Variants in OSBP observed in about 807,000 individuals in gnomAD.
OSBP encodes the protein oxysterol binding protein.
A neutral mutation model predicts 96.6 loss-of-function variants in OSBP; 32 were observed. That is an observed-to-expected ratio of 0.33 (90% confidence interval 0.25 to 0.45). The LOEUF is 0.45. OSBP is among the 20% of genes least tolerant of loss of function. The pLI, the probability that OSBP is intolerant of heterozygous loss-of-function variation, is 1.00. For missense variants in OSBP, 653 were observed against 1,029.7 expected (o/e 0.63, Z 5.01); for synonymous variants, 369 against 389.6 (o/e 0.95, Z 0.62).
At chr11:59,611,508 G>A (rs1860847492) in intron 1 of OSBP, among the ~76,000 whole-genome samples, 1 of 152,180 alleles carries the variant, frequency 6.6e-6, no homozygotes, top group Non-Finnish European at 1.5e-5. Context: ...CATGCTTAGA[G>A]TTATATCGCA....
At chr11:59,582,067 T>C (rs1265725169) in intron 9 of OSBP, among the ~76,000 whole-genome samples, 1 of 152,236 alleles carries the variant, frequency 6.6e-6, no homozygotes, top group Non-Finnish European at 1.5e-5. Flanking sequence ...CTGACTCTAG[T>C]CCTCATTAGA....
intron 9 of OSBP, among the ~76,000 whole-genome samples, chr11:59,585,776 T>C (rs1337938465): frequency 2.0e-5 from 3 of 152,276 alleles, no homozygotes; most frequent in African/African-American, 7.2e-5. Flanking sequence ...GCCGTGTCTG[T>C]GTAGAAAGAA....
At chr11:59,593,059 A>G (rs1860605700) in intron 9 of OSBP, among the ~76,000 whole-genome samples, 1 of 152,110 alleles carries the variant, frequency 6.6e-6, no homozygotes, top group East Asian at 1.9e-4. Flanking sequence ...TGGCCTCCCA[A>G]AGTGCTAGGA....
At chr11:59,585,327 G>A (rs1377288875) in intron 9 of OSBP, among the ~76,000 whole-genome samples, 1 of 125,604 alleles carries the variant, frequency 8.0e-6, no homozygotes, top group Non-Finnish European at 1.7e-5. Context: ...GCCCGGCCGC[G>A]ACCCCGTCTG....
At position 59,599,158 on chromosome 11, in the gene OSBP, G is replaced by A. The variant is rs113150009; in HGVS notation, c.1311+1338C>T. Among the ~76,000 whole-genome samples, 622 of 152,326 alleles carry A rather than the reference G, an allele frequency of 4.1e-3. 8 individuals are homozygous for A. Among genetic ancestry groups the A allele is most frequent in the African/African-American group, 0.014 (583 of 41,582 alleles). On this transcript the variant is annotated intron_variant, in intron 7 of 13. Coordinates refer to ENST00000263847, the MANE Select transcript of OSBP (RefSeq NM_002556.3). ...TGACAACTTTTTCTGCAAAGGGCTG[G>A]ATAGCAAATATTTAGGCTTTGAGGG...
At chr11:59,614,854 GT>G (rs1185225060) in intron 1 of OSBP, among the ~76,000 whole-genome samples, 3 of 152,356 alleles carry the variant, frequency 2.0e-5, no homozygotes, top group African/African-American at 7.2e-5. Context: ...ATAACCTTGA[GT>G]TTTGGAGACT....
intron 7 of OSBP, among the ~76,000 whole-genome samples, chr11:59,600,186 C>A (rs900118299): frequency 2.0e-5 from 3 of 152,158 alleles, no homozygotes; most frequent in Non-Finnish European, 4.4e-5. Flanking sequence ...CTCTTTTAAA[C>A]TACACACTTC....
Position 59,589,444 on chromosome 11 carries a change from T to C in OSBP, c.1678+4160A>G, listed in dbSNP as rs972640493. Among the ~76,000 whole-genome samples the C allele has an allele frequency of 4.0e-5, 6 of 151,220 alleles. No individual in the cohort carries two copies. The South Asian group carries it at 8.4e-4, about 21-fold the overall frequency. On this transcript the variant is annotated intron_variant, in intron 9 of 13. Transcript: ENST00000263847. ...GGTGGAACCCAGTCTCTACTAAAAA[T>C]ATAAAAATTAGCTGGGTGTGGTGGC...
At chr11:59,607,022 C>T (rs1022457160) in intron 3 of OSBP, among the ~76,000 whole-genome samples, 1 of 151,894 alleles carries the variant, frequency 6.6e-6, no homozygotes, top group African/African-American at 2.4e-5. Context: ...AAGATGAGTA[C>T]ATTTTCAAGA....
chr11:59,603,529 G>GTTTTTTTTTTTTTT (rs370609645), intron 3 of OSBP, among the ~76,000 whole-genome samples: 1 of 86,764 alleles, frequency 1.2e-5, no homozygotes, highest in Admixed American at 1.4e-4. Context: ...ATCACCTTCA[G>GTTTTTTTTTTTTTT]TTTTTTTTTT....
rs1220605470 is a variant in OSBP, at chr11:59,576,456, G to T, written c.*121C>A. On this transcript the variant is annotated 3_prime_UTR_variant, in exon 14 of 14. Transcript: ENST00000263847. ...TTCTGGTGATTGATTTGGAAAAAAT[G>T]ATTGGTCAAGAGAGACAAACTTGAG... 9.0e-6 allele frequency: 10 copies of T among 1,116,576 alleles called. No individual in the cohort carries two copies. Among genetic ancestry groups the T allele is most frequent in the South Asian group, 1.6e-5 (1 of 64,062 alleles). 69.2% of individuals were successfully genotyped at this position (1,116,576 alleles called of 1,614,324 possible).
intron 12 of OSBP, among the ~76,000 whole-genome samples, chr11:59,577,834 C>T (rs1860377961): frequency 6.6e-6 from 1 of 152,192 alleles, no homozygotes; most frequent in Admixed American, 6.5e-5. Flanking sequence ...TGGTAGGCAC[C>T]TTCCTCCTCT....
At position 59,601,357 on chromosome 11, in the gene OSBP, C is replaced by T; in HGVS notation, c.1050G>A (p.Met350Ile). ...KDQCCSGKGD[M>I]SDEDDENEFF... ...ATTCATTCTCATCATCTTCATCGCT[C>T]ATGTCCCCTTTGCCAGAGCAGCACT... Residue 350 changes from methionine to isoleucine, a missense_variant, in exon 5 of 14, where the codon ATG (methionine) becomes ATA (isoleucine). This residue lies in a region of OSBP where 308 missense variants were observed against 573.1 expected (regional missense o/e 0.54). Coordinates refer to ENST00000263847, the MANE Select transcript of OSBP (RefSeq NM_002556.3). 1.2e-6 allele frequency: 2 copies of T among 1,613,170 alleles called. No homozygotes were observed. Among genetic ancestry groups the T allele is most frequent in the South Asian group, 1.1e-5 (1 of 91,058 alleles).
rs146412980 is a variant in OSBP at position 59,597,822 on chromosome 11, C to G, written c.1311+2674G>C. On this transcript the variant is annotated intron_variant, in intron 7 of 13. Transcript: ENST00000263847. Reference sequence around the variant, plus strand: ...CAGGGTTCAAGCCATTCTCATGCCTCAGCATCCTGAGTAGCTGGGGCTACA... The same window carrying G: ...CAGGGTTCAAGCCATTCTCATGCCTGAGCATCCTGAGTAGCTGGGGCTACA... 6.2e-3 allele frequency among the ~76,000 whole-genome samples: 950 copies of G among 152,342 alleles called. 11 individuals carry two copies. The highest frequency in any genetic ancestry group is 0.022 in the African/African-American group (906 of 41,568).
chr11:59,585,769 G>A lies in OSBP; in HGVS notation c.1679-4215C>T, dbSNP rs188030703. 3.4e-3 allele frequency among the ~76,000 whole-genome samples: 525 copies of A among 152,366 alleles called. 4 individuals carry two copies. Among genetic ancestry groups the A allele is most frequent in the African/African-American group, 0.011 (458 of 41,584 alleles). ...AAGACTGAGAAATCAGATGGTTGCC[G>A]TGTCTGTGTAGAAAGAAGTATACAT... On this transcript the variant is annotated intron_variant, in intron 9 of 13. Coordinates refer to ENST00000263847, the MANE Select transcript of OSBP (RefSeq NM_002556.3).
chr11:59,588,471 G>T (rs1860530393), intron 9 of OSBP, among the ~76,000 whole-genome samples: 1 of 151,720 alleles, frequency 6.6e-6, no homozygotes, highest in Non-Finnish European at 1.5e-5. Flanking sequence ...GGGAGGTGGA[G>T]GTTGCAGTGA....
At chr11:59,612,520 A>G (rs1217180117) in intron 1 of OSBP, among the ~76,000 whole-genome samples, 3 of 152,162 alleles carry the variant, frequency 2.0e-5, no homozygotes, top group Non-Finnish European at 4.4e-5. Context: ...CTGGGTCATC[A>G]TTGTAAACTA....
intron 3 of OSBP, among the ~76,000 whole-genome samples, chr11:59,604,468 G>A (rs1413617694): frequency 1.3e-5 from 2 of 151,324 alleles, no homozygotes; most frequent in Admixed American, 6.6e-5. Flanking sequence ...TTGGGAGGCC[G>A]AGGCAGGCAA....
rs771581915 is a variant in OSBP at position 59,575,168 on chromosome 11, GAATTA to G, written c.*1404_*1408del. On this transcript the variant is annotated 3_prime_UTR_variant, in exon 14 of 14. Coordinates refer to ENST00000263847, the MANE Select transcript of OSBP (RefSeq NM_002556.3). ...TTCAGCCTATGCGCCGGACAGAGCA[GAATTA>G]AATTGGAAGTTGCCCTCCGGACTTT... is the stretch of plus-strand genomic sequence containing the variant. 5 of 152,278 alleles carry G rather than the reference GAATTA, an allele frequency of 3.3e-5. No individual in the cohort carries two copies. The East Asian group carries it at 5.8e-4, about 18-fold the overall frequency. 9.4% of individuals were successfully genotyped at this position (152,278 alleles called of 1,614,324 possible). A position where few individuals can be genotyped will look rare whatever the true frequency, so the allele number is the denominator to read the frequency against.
Sources: allele counts gnomAD v4.1 joint callset (sites outside exome capture counted in the v4.1 genomes callset), GRCh38; gene constraint gnomAD v4.1.1; regional missense constraint gnomAD v4.1.1; transcripts MANE v1.5; gene names NCBI Gene and HGNC (gene_info 2026-07-23, HGNC 2026-07-21).